Variants in SGCE observed in about 807,000 individuals in gnomAD.
SGCE encodes epsilon-sarcoglycan.
Under a neutral mutation model 57.8 loss-of-function variants are expected in SGCE, and 26 were observed. The ratio of observed to expected loss-of-function variants is 0.45; its 90% CI spans 0.33 to 0.62. SGCE has a LOEUF of 0.62. Among genes scored for constraint, SGCE ranks in the 20% least tolerant of loss-of-function variants. The pLI is 0.02. For missense variants in SGCE, 468 were observed against 548.6 expected, an observed-to-expected ratio of 0.85 and a Z score of 1.47; for synonymous variants, 183 against 189.5, an observed-to-expected ratio of 0.97 and a Z score of 0.28.
At chr7:94,592,287 A>G (rs895783730) in intron 9 of SGCE, among the ~76,000 whole-genome samples, 2 of 152,290 alleles carry the variant, frequency 1.3e-5, no homozygotes, top group Admixed American at 6.5e-5. Flanking sequence ...TTCAATCCCA[A>G]CTCTGCTAGT....
intron 3 of SGCE, chr7:94,626,640 G>A (rs1464728242): frequency 6.6e-6 from 1 of 151,724 alleles, no homozygotes; most frequent in African/African-American, 2.4e-5. Flanking sequence ...TATCATTGAT[G>A]GTTTCCATTT....
intron 1 of SGCE, among the ~76,000 whole-genome samples, chr7:94,652,923 T>C (rs959770859): frequency 6.6e-6 from 1 of 152,190 alleles, no homozygotes; most frequent in Admixed American, 6.6e-5. Flanking sequence ...AGTCCAGTTA[T>C]TATTTGACAA....
At chr7:94,622,896 C>T (rs985726038) in intron 4 of SGCE, among the ~76,000 whole-genome samples, 4 of 152,092 alleles carry the variant, frequency 2.6e-5, no homozygotes, top group Admixed American at 6.6e-5. Flanking sequence ...ATCACATATA[C>T]TTAGACTATT....
At chr7:94,630,596 A>G (rs753966432) in intron 1 of SGCE, among the ~76,000 whole-genome samples, 1 of 151,968 alleles carries the variant, frequency 6.6e-6, no homozygotes, top group Non-Finnish European at 1.5e-5. Flanking sequence ...GACATATGAT[A>G]TGAGTACATT....
At chr7:94,654,953 A>C (rs1188482557) in intron 1 of SGCE, among the ~76,000 whole-genome samples, 3 of 152,228 alleles carry the variant, frequency 2.0e-5, no homozygotes, top group African/African-American at 7.2e-5. Flanking sequence ...AGGCGCTTAG[A>C]TGGGAATCCG....
chr7:94,598,479 A>T, intron 9 of SGCE: 1 of 337,974 alleles, frequency 3.0e-6, no homozygotes, highest in Non-Finnish European at 5.5e-6. Context: ...TTTTTTTTAT[A>T]ATTAACTCAT....
At chr7:94,599,224 T>A in intron 8 of SGCE, 2 of 363,010 alleles carry the variant, frequency 5.5e-6, no homozygotes, top group South Asian at 1.0e-4. Flanking sequence ...AATATTACTG[T>A]CCTAAGTAAC....
chr7:94,616,164 G>A (rs1202565134), intron 5 of SGCE, among the ~76,000 whole-genome samples: 4 of 152,210 alleles, frequency 2.6e-5, no homozygotes, highest in Middle Eastern at 3.4e-3. Flanking sequence ...TGGGCTCATG[G>A]GGACTGACAC....
intron 9 of SGCE, 94 bp downstream of exon 9, chr7:94,598,675 TATAAAC>T: frequency 1.1e-6 from 1 of 882,578 alleles, no homozygotes; most frequent in Non-Finnish European, 1.9e-6. Flanking sequence ...CTCTTCCAGT[TATAAAC>T]AAACAAACAC....
intron 5 of SGCE, among the ~76,000 whole-genome samples, chr7:94,608,271 G>A (rs1800468774): frequency 6.6e-6 from 1 of 152,224 alleles, no homozygotes; most frequent in African/African-American, 2.4e-5. Context: ...AGGAGGCAGA[G>A]GTTGCAGTGA....
rs114742983 is a variant in SGCE at position 94,634,565 on chromosome 7, C to T, written c.110-4724G>A. On this transcript the variant is annotated intron_variant, in intron 1 of 10. Coordinates refer to ENST00000648936, the MANE Select transcript of SGCE (RefSeq NM_003919.3). Reference sequence around the variant, plus strand: ...TCCCCTCTAATTTGCTGTTATTAATCGGCTGCAGGTTTAGAAACCAGACTA... The same window carrying T: ...TCCCCTCTAATTTGCTGTTATTAATTGGCTGCAGGTTTAGAAACCAGACTA... 2.0e-3 allele frequency among the ~76,000 whole-genome samples: 305 copies of T among 152,236 alleles called. 2 individuals carry two copies. The highest frequency in any genetic ancestry group is 7.1e-3 in the African/African-American group (294 of 41,540).
At chr7:94,624,262 A>G in intron 3 of SGCE, 1 of 398,124 alleles carries the variant, frequency 2.5e-6, no homozygotes, top group Admixed American at 4.4e-5. Flanking sequence ...GAGACAAAAG[A>G]GTAGGATAAA....
At chr7:94,610,585 C>T (rs1423337100) in intron 5 of SGCE, among the ~76,000 whole-genome samples, 3 of 152,032 alleles carry the variant, frequency 2.0e-5, no homozygotes, top group African/African-American at 7.2e-5. Context: ...GTAAATATGA[C>T]CTTGGATTAG....
chr7:94,627,333 GT>G (rs1442026874), intron 3 of SGCE: 1 of 151,998 alleles, frequency 6.6e-6, no homozygotes, highest in Admixed American at 6.6e-5. Flanking sequence ...TGTAACAGTT[GT>G]TTTGTTGTTG....
chr7:94,638,749 G>A (rs35639288), intron 1 of SGCE, among the ~76,000 whole-genome samples: 542 of 152,074 alleles, frequency 3.6e-3, no homozygotes, highest in Middle Eastern at 0.01. Context: ...AATGAAATGC[G>A]TTATTTCAAA....
chr7:94,610,941 C>T (rs1800923231), intron 5 of SGCE, among the ~76,000 whole-genome samples: 1 of 152,076 alleles, frequency 6.6e-6, no homozygotes, highest in Admixed American at 6.6e-5. Context: ...ATCAAAACCA[C>T]AATGAGATAC....
intron 9 of SGCE, among the ~76,000 whole-genome samples, chr7:94,591,847 AG>A (rs1797715131): frequency 6.6e-6 from 1 of 152,228 alleles, no homozygotes; most frequent in Non-Finnish European, 1.5e-5. Context: ...AATTCGGAGA[AG>A]ATGCATAAGA....
intron 5 of SGCE, chr7:94,618,495 G>T (rs1355841840): frequency 2.5e-6 from 1 of 406,260 alleles, no homozygotes; most frequent in Non-Finnish European, 4.4e-6. Context: ...TTAATGGAAG[G>T]TACAAAAGAC....
At chr7:94,644,812 C>T (rs1035636954) in intron 1 of SGCE, 15 of 284,328 alleles carry the variant, frequency 5.3e-5, no homozygotes, top group Non-Finnish European at 9.9e-5. Context: ...TTCTTTTATG[C>T]AATTCTCCTC....
Sources: gnomAD v4.1 joint callset for allele counts (sites outside exome capture counted in the v4.1 genomes callset) on GRCh38, gnomAD v4.1.1 for gene constraint, MANE v1.5 for transcripts, NCBI Gene and HGNC (gene_info 2026-07-23, HGNC 2026-07-21) for gene names.